ZBTB20: variants seen among roughly 807,000 people sequenced by gnomAD.
The protein encoded by ZBTB20 is zinc finger and BTB domain containing 20.
A neutral mutation model predicts 56.9 loss-of-function variants in ZBTB20; 9 were observed. That is an observed-to-expected ratio of 0.16 (90% CI 0.10 to 0.28). The LOEUF (loss-of-function observed/expected upper bound fraction) is 0.28. Ranked by LOEUF, ZBTB20 falls within the 10% of genes least tolerant of loss-of-function variation. The pLI is 1.00. For synonymous variants in ZBTB20, 417 were observed against 420.7 expected, an observed-to-expected ratio of 0.99 and a Z score of 0.11; for missense variants, 655 against 1,003.0, an observed-to-expected ratio of 0.65 and a Z score of 4.69.
At chr3:115,112,256 AAGTC>A (rs768145944) in intron 1 of ZBTB20, among the ~76,000 whole-genome samples, 10 of 152,180 alleles carry the variant, frequency 6.6e-5, no homozygotes, top group South Asian at 4.1e-4. Flanking sequence ...TGTAATGACA[AAGTC>A]AGGGTATTTA....
At chr3:114,789,517 A>T (rs1428798603) in intron 5 of ZBTB20, among the ~76,000 whole-genome samples, 1 of 152,204 alleles carries the variant, frequency 6.6e-6, no homozygotes, top group Non-Finnish European at 1.5e-5. Flanking sequence ...AGCTAGAATT[A>T]GGAACCTCTG....
rs71146322 is a variant in ZBTB20, at chr3:114,454,175, GGAGAGAGA to G, written c.-255+46169_-255+46176del. 2.4e-3 allele frequency among the ~76,000 whole-genome samples: 274 copies of G among 116,484 alleles called. 1 individual carries two copies. The highest frequency in any genetic ancestry group is 4.7e-3 in the Middle Eastern group (1 of 212). The allele number at this position is 116,484 out of a possible 152,430, so 76.4% of individuals were successfully genotyped here. ...AGAGGAAGAGAGAGGAAAAGAGAAG[GGAGAGAGA>G]GAGAGAGAGAGAGAGAGAGAGAGAG... On this transcript the variant is annotated intron_variant, in intron 7 of 11. Coordinates refer to ENST00000675478, the MANE Select transcript of ZBTB20 (RefSeq NM_001348800.3).
At chr3:114,972,238 C>A (rs1314502588) in intron 3 of ZBTB20, among the ~76,000 whole-genome samples, 1 of 152,174 alleles carries the variant, frequency 6.6e-6, no homozygotes, top group African/African-American at 2.4e-5. Context: ...GAGTCCATTT[C>A]ATTGACAGTA....
At chr3:114,342,200 T>C (rs891675102) in intron 11 of ZBTB20, among the ~76,000 whole-genome samples, 8 of 152,214 alleles carry the variant, frequency 5.3e-5, no homozygotes, top group East Asian at 1.9e-4. Flanking sequence ...AATGATTGTG[T>C]TTTAAGAAAA....
At chr3:115,126,681 G>A (rs2084342764) in intron 1 of ZBTB20, among the ~76,000 whole-genome samples, 1 of 152,122 alleles carries the variant, frequency 6.6e-6, no homozygotes, top group South Asian at 2.1e-4. Flanking sequence ...GTGACCATCT[G>A]CAGGAGTAAT....
intron 7 of ZBTB20, among the ~76,000 whole-genome samples, chr3:114,444,232 C>A (rs1318881268): frequency 1.3e-5 from 2 of 152,108 alleles, no homozygotes; most frequent in African/African-American, 2.4e-5. Flanking sequence ...CTTCTGACTA[C>A]AATTTCTCAA....
At chr3:114,955,546 G>A (rs753733108) in intron 3 of ZBTB20, among the ~76,000 whole-genome samples, 7 of 152,250 alleles carry the variant, frequency 4.6e-5, no homozygotes, top group Non-Finnish European at 5.9e-5. Flanking sequence ...CTGCCCAACT[G>A]AAGTGGGCCA....
intron 3 of ZBTB20, among the ~76,000 whole-genome samples, chr3:114,926,410 A>G (rs1052346569): frequency 1.3e-5 from 2 of 152,198 alleles, no homozygotes; most frequent in Non-Finnish European, 2.9e-5. Context: ...TATAGCTACT[A>G]TCTGCAGGCT....
At chr3:114,975,623 G>A (rs567891019) in intron 2 of ZBTB20, among the ~76,000 whole-genome samples, 48 of 152,222 alleles carry the variant, frequency 3.2e-4, no homozygotes, top group African/African-American at 1.2e-3. Context: ...CATTATTACA[G>A]TTATTCTGCA....
At chr3:114,709,542 A>C (rs999993373) in intron 5 of ZBTB20, among the ~76,000 whole-genome samples, 1 of 152,212 alleles carries the variant, frequency 6.6e-6, no homozygotes, top group African/African-American at 2.4e-5. Context: ...AATCCAGTAC[A>C]TGCTACTCAC....
chr3:114,712,856 G>T (rs1288721079), intron 5 of ZBTB20, among the ~76,000 whole-genome samples: 1 of 152,106 alleles, frequency 6.6e-6, no homozygotes, highest in Non-Finnish European at 1.5e-5. Flanking sequence ...TAATTGCCTT[G>T]GTTTGTCCAA....
chr3:114,383,784 G>T (rs1293850987), intron 8 of ZBTB20: 1 of 152,210 alleles, frequency 6.6e-6, no homozygotes, highest in Non-Finnish European at 1.5e-5. Context: ...GACATGCACA[G>T]GTGCTGTGAA....
chr3:114,672,126 AT>A (rs900709858), intron 6 of ZBTB20, among the ~76,000 whole-genome samples: 8 of 152,300 alleles, frequency 5.3e-5, no homozygotes, highest in African/African-American at 1.9e-4. Flanking sequence ...AAGAAAAAAA[AT>A]GAATGAAATT....
intron 4 of ZBTB20, among the ~76,000 whole-genome samples, chr3:114,802,058 T>C (rs2071762033): frequency 6.6e-6 from 1 of 151,874 alleles, no homozygotes; most frequent in Non-Finnish European, 1.5e-5. Flanking sequence ...AAAAATCACA[T>C]CACACACTAG....
intron 5 of ZBTB20, among the ~76,000 whole-genome samples, chr3:114,742,328 C>T (rs186688197): frequency 1.1e-4 from 17 of 152,060 alleles, no homozygotes; most frequent in Non-Finnish European, 1.0e-4. Flanking sequence ...AAAATGAAGC[C>T]GGGTAGGATA....
In ZBTB20 at chr3:114,329,437, ACT is replaced by A. The variant is rs1176477103; in HGVS notation, c.*9566_*9567del. ...GTTGAATAGCTGAGGGAAGCTGAAG[ACT>A]CTTATCTGAAAATATGATCTGAAAA... On this transcript the variant is annotated 3_prime_UTR_variant, in exon 12 of 12. Transcript: ENST00000675478. The A allele has an allele frequency of 4.6e-5, 7 of 151,968 alleles. No individual in the cohort carries two copies. The highest frequency in any genetic ancestry group is 2.1e-4 in the South Asian group (1 of 4,822). The allele number at this position is 151,968 out of a possible 1,614,324, so 9.4% of individuals were successfully genotyped here.
At position 114,575,591 on chromosome 3, in the gene ZBTB20, T is replaced by TA. The variant is rs11338329; in HGVS notation, c.-294-75201dup. On this transcript the variant is annotated intron_variant, in intron 6 of 11. Transcript: ENST00000675478. ...GATTTGAAGAACTACCTTTAAAAAATAAAAAAAAAAAAAATAGGAACTACT... is the reference window on the plus strand; with the variant it reads ...GATTTGAAGAACTACCTTTAAAAAATAAAAAAAAAAAAAAATAGGAACTACT... Among the ~76,000 whole-genome samples, 957 of 138,320 alleles carry TA rather than the reference T, an allele frequency of 6.9e-3. 5 individuals are homozygous for TA. Among genetic ancestry groups the TA allele is most frequent in the South Asian group, 0.02 (87 of 4,336 alleles). 90.7% of individuals were successfully genotyped at this position (138,320 alleles called of 152,430 possible).
intron 5 of ZBTB20, among the ~76,000 whole-genome samples, chr3:114,714,195 T>C (rs898482885): frequency 2.0e-5 from 3 of 152,240 alleles, no homozygotes; most frequent in African/African-American, 4.8e-5. Context: ...CTGAAAATCA[T>C]AGTCTTCAGC....
chr3:114,844,372 T>TATATATATATATATATATA (rs61231122), intron 4 of ZBTB20, among the ~76,000 whole-genome samples: 10 of 118,764 alleles, frequency 8.4e-5, no homozygotes, highest in Admixed American at 1.7e-4. Context: ...TATATATATA[T>TATATATATATATATATATA]TAGCTGAGAG....
Sources: gnomAD v4.1 joint callset for allele counts (sites outside exome capture counted in the v4.1 genomes callset) on GRCh38, gnomAD v4.1.1 for gene constraint, MANE v1.5 for transcripts, NCBI Gene and HGNC (gene_info 2026-07-23, HGNC 2026-07-21) for gene names.